DCDC1: variants seen among roughly 807,000 people sequenced by gnomAD.
DCDC1 encodes doublecortin domain containing 1.
Under a neutral mutation model 178.3 loss-of-function variants are expected in DCDC1, and 200 were observed. The observed-to-expected ratio is 1.12, with a 90% CI of 1.00 to 1.26. The LOEUF is 1.26. Among genes scored for constraint, DCDC1 ranks in the 50% most tolerant of loss-of-function variants. The pLI is 0.00. For synonymous variants in DCDC1, 690 were observed against 604.8 expected (o/e 1.14, Z -2.07); for missense variants, 1,983 against 1,749.2 (o/e 1.13, Z -2.38).
chr11:31,246,038 G>A (rs962495840), intron 8 of DCDC1, among the ~76,000 whole-genome samples: 3 of 151,922 alleles, frequency 2.0e-5, no homozygotes, highest in Admixed American at 1.3e-4. Flanking sequence ...GATCTATACC[G>A]AGGGAATATA....
intron 9 of DCDC1, among the ~76,000 whole-genome samples, chr11:31,178,186 A>C (rs546987194): frequency 8.5e-5 from 13 of 152,236 alleles, no homozygotes; most frequent in Non-Finnish European, 1.9e-4. Context: ...CTGGCATAAA[A>C]ACAGACTCAC....
At chr11:30,871,846 T>C (rs1941600847) in intron 38 of DCDC1, among the ~76,000 whole-genome samples, 1 of 151,960 alleles carries the variant, frequency 6.6e-6, no homozygotes, top group South Asian at 2.1e-4. Context: ...ACACTTAGTG[T>C]ATTAAGTACA....
rs1182646257 is a variant in DCDC1, at chr11:30,936,496, T to G, written c.2716-4544A>C. ...CTTCCATAATTTCCCTTAACACCCT[T>G]GAGGTACCTTCCTTCCTAAGCTCAT... On this transcript the variant is annotated intron_variant, in intron 21 of 38. Transcript: ENST00000684477. Among the ~76,000 whole-genome samples the G allele has an allele frequency of 2.0e-5, 3 of 152,176 alleles. No individual in the cohort carries two copies. The South Asian group carries it at 6.2e-4, about 32-fold the overall frequency.
intron 20 of DCDC1, among the ~76,000 whole-genome samples, chr11:31,021,773 G>C (rs538086348): frequency 6.6e-6 from 1 of 152,118 alleles, no homozygotes; most frequent in Non-Finnish European, 1.5e-5. Context: ...AGCATAGAAA[G>C]TGCTGTCCAA....
rs182703292 is a variant in DCDC1, at chr11:31,136,694, T to C, written c.1314+998A>G. On this transcript the variant is annotated intron_variant, in intron 10 of 38. Transcript: ENST00000684477. ...TTTTACTGACAGTGGTACATAGAAATTAGAAAATTCACATTCTTTCCTTAG... is the reference window on the plus strand; with the variant it reads ...TTTTACTGACAGTGGTACATAGAAACTAGAAAATTCACATTCTTTCCTTAG... Among the ~76,000 whole-genome samples, 5 of 152,298 alleles carry C rather than the reference T, an allele frequency of 3.3e-5. No homozygotes were observed. The East Asian group carries it at 9.6e-4, about 29-fold the overall frequency.
chr11:31,232,450 C>T (rs540661433), intron 9 of DCDC1, among the ~76,000 whole-genome samples: 58 of 152,182 alleles, frequency 3.8e-4, no homozygotes, highest in South Asian at 1.2e-3. Context: ...AATTCTTTAA[C>T]GCCAATTTTT....
intron 6 of DCDC1, among the ~76,000 whole-genome samples, chr11:31,302,510 T>C (rs1948179942): frequency 6.6e-6 from 1 of 152,186 alleles, no homozygotes; most frequent in South Asian, 2.1e-4. Flanking sequence ...GGCAACATTA[T>C]CAACAGTATT....
chr11:30,872,332 G>T (rs971922667), intron 38 of DCDC1, among the ~76,000 whole-genome samples: 4 of 152,162 alleles, frequency 2.6e-5, no homozygotes, highest in Admixed American at 6.5e-5. Flanking sequence ...ATTGAGATGT[G>T]CTGTAAGTGT....
Position 31,103,674 on chromosome 11 carries a change from G to C in DCDC1, c.1847C>G (p.Pro616Arg). ...ACATCCAGGTAGCAGAACAGCATTA[G>C]GATCCAAAAAGGTCTTATATGCAAC... ...IMVAYKTFLDPNAVLLPGCGN... is the reference protein window; with the variant it reads ...IMVAYKTFLDRNAVLLPGCGN... Residue 616 changes from proline (P) to arginine (R), a missense_variant, in exon 14 of 39, where the codon CCT becomes CGT. Coordinates refer to ENST00000684477, the MANE Select transcript of DCDC1 (RefSeq NM_001387274.1). 1.3e-6 allele frequency: 1 copy of C among 764,994 alleles called. No individual in the cohort carries two copies. The highest frequency in any genetic ancestry group is 2.4e-6 in the Non-Finnish European group (1 of 417,506). The allele number at this position is 764,994 out of a possible 1,614,324, so 47.4% of individuals were successfully genotyped here. A position where few individuals can be genotyped will look rare whatever the true frequency, so the allele number is the denominator to read the frequency against.
chr11:31,241,761 T>G (rs1977160122), intron 8 of DCDC1, 145 bp from the exon 9 acceptor site: 1 of 385,786 alleles, frequency 2.6e-6, no homozygotes, highest in South Asian at 1.4e-4. Flanking sequence ...AGGCAATTCC[T>G]GCGTTACTAG....
intron 20 of DCDC1, among the ~76,000 whole-genome samples, chr11:30,960,297 C>T (rs902598542): frequency 2.6e-5 from 4 of 152,098 alleles, no homozygotes; most frequent in African/African-American, 7.2e-5. Context: ...ATAACTTCAG[C>T]CCATCAGGGT....
chr11:31,164,610 A>G (rs1281908647), intron 9 of DCDC1, among the ~76,000 whole-genome samples: 4 of 152,166 alleles, frequency 2.6e-5, no homozygotes, highest in African/African-American at 9.6e-5. Context: ...GAAGGATATG[A>G]AGACAATTTT....
rs575329453 is a variant in DCDC1, at chr11:30,926,629, A to G, written c.2898-1221T>C. ...GAAGTAGAAGATTCTTGCTAAATAT[A>G]TTTTGTGTTAGAATATAATCTTTAC... On this transcript the variant is annotated intron_variant, in intron 22 of 38. Transcript: ENST00000684477. Among the ~76,000 whole-genome samples, 8 of 152,348 alleles carry G rather than the reference A, an allele frequency of 5.3e-5. No homozygotes were observed. The East Asian group carries it at 1.4e-3, about 26-fold the overall frequency.
chr11:31,289,866 T>G (rs1013753986), intron 7 of DCDC1, among the ~76,000 whole-genome samples: 5 of 151,996 alleles, frequency 3.3e-5, no homozygotes, highest in African/African-American at 1.2e-4. Context: ...TAGTGAATGG[T>G]GAAGCCAAGA....
intron 20 of DCDC1, among the ~76,000 whole-genome samples, chr11:30,957,217 T>C (rs1172552181): frequency 1.3e-5 from 2 of 152,148 alleles, no homozygotes; most frequent in Admixed American, 1.3e-4. Context: ...TCATTCCATA[T>C]GCATAATGTC....
intron 38 of DCDC1, among the ~76,000 whole-genome samples, chr11:30,877,532 T>A (rs1942245439): frequency 6.6e-6 from 1 of 152,170 alleles, no homozygotes; most frequent in African/African-American, 2.4e-5. Context: ...AAATAAACCT[T>A]CCATAATTTT....
chr11:31,046,087 T>C, intron 20 of DCDC1, among the ~76,000 whole-genome samples: 1 of 152,162 alleles, frequency 6.6e-6, no homozygotes, highest in East Asian at 1.9e-4. Flanking sequence ...CACTAGACTG[T>C]TCAATCACAA....
At chr11:31,265,788 T>TA (rs934544371) in intron 7 of DCDC1, among the ~76,000 whole-genome samples, 188 bp from the exon 8 acceptor site, 3 of 150,662 alleles carry the variant, frequency 2.0e-5, no homozygotes, top group Non-Finnish European at 4.4e-5. Flanking sequence ...TGCATGTGTG[T>TA]AAAAAAACAC....
chr11:30,936,732 C>T (rs1004539410), intron 21 of DCDC1, among the ~76,000 whole-genome samples: 4 of 152,160 alleles, frequency 2.6e-5, no homozygotes, highest in Non-Finnish European at 5.9e-5. Context: ...AAGCTAAAAG[C>T]AGACTGGGGG....
Sources: gnomAD v4.1 joint callset for allele counts (sites outside exome capture counted in the v4.1 genomes callset) on GRCh38, gnomAD v4.1.1 for gene constraint, MANE v1.5 for transcripts, NCBI Gene and HGNC (gene_info 2026-07-23, HGNC 2026-07-21) for gene names.